The following CSMD1 variants were observed in gnomAD, a reference collection of about 807,000 sequenced individuals.
CSMD1 encodes the protein CUB and sushi domain-containing protein 1.
Under a neutral mutation model 417.5 loss-of-function variants are expected in CSMD1, and 213 were observed. The observed-to-expected ratio is 0.51, with a 90% confidence interval of 0.46 to 0.57. The LOEUF (loss-of-function observed/expected upper bound fraction) is 0.57. Among genes scored for constraint, CSMD1 ranks in the 20% least tolerant of loss-of-function variants. The pLI is 0.00. For missense variants in CSMD1, 6,923 were observed against 4,529.7 expected (o/e 1.53, Z -15.17); for synonymous variants, 2,862 against 1,736.8 (o/e 1.65, Z -16.11).
chr8:4,148,771 T>G (rs759991163), intron 3 of CSMD1, among the ~76,000 whole-genome samples: 1 of 152,088 alleles, frequency 6.6e-6, no homozygotes, highest in Non-Finnish European at 1.5e-5. Flanking sequence ...GCCATCACCC[T>G]GAGTTTAGAA....
intron 9 of CSMD1, among the ~76,000 whole-genome samples, chr8:3,577,007 C>A (rs1252778224): frequency 6.6e-6 from 1 of 152,200 alleles, no homozygotes; most frequent in Non-Finnish European, 1.5e-5. Context: ...TGTCGGCCTG[C>A]ATTTCAAGCT....
intron 3 of CSMD1, among the ~76,000 whole-genome samples, chr8:4,074,681 A>G (rs1799730017): frequency 6.6e-6 from 1 of 152,114 alleles, no homozygotes; most frequent in African/African-American, 2.4e-5. Flanking sequence ...GGTACGTTAA[A>G]ATTTTGTATA....
In CSMD1 at chr8:3,187,857, A is replaced by G. The variant is rs1796156476; in HGVS notation, c.5620+12T>C. ...TTGAGTCACACAGGTGAGGAAATTG[A>G]CTCCATCTTACCTGAGAAGCTTCCC... is the stretch of plus-strand genomic sequence containing the variant. On this transcript the variant is annotated intron_variant, in intron 36 of 69. Transcript: ENST00000635120. 1 of 1,603,754 alleles carries G rather than the reference A, an allele frequency of 6.2e-7. No homozygotes were observed. Among genetic ancestry groups the G allele is most frequent in the East Asian group, 2.2e-5 (1 of 44,758 alleles).
intron 1 of CSMD1, among the ~76,000 whole-genome samples, chr8:4,841,930 A>ACAAAAAAAAAAAAACAAAAC (rs1554499185): frequency 8.2e-6 from 1 of 122,426 alleles, no homozygotes; most frequent in African/African-American, 3.3e-5. Flanking sequence ...AAAAAAAAAA[A>ACAAAAAAAAAAAAACAAAAC]AAAAAAAAGT....
intron 2 of CSMD1, among the ~76,000 whole-genome samples, chr8:4,426,738 T>C (rs1029007495): frequency 6.8e-6 from 1 of 147,776 alleles, no homozygotes; most frequent in African/African-American, 2.5e-5. Flanking sequence ...ACATTTATTA[T>C]ACAATATAGT....
chr8:4,571,098 T>C (rs1415028432), intron 2 of CSMD1, among the ~76,000 whole-genome samples: 3 of 152,192 alleles, frequency 2.0e-5, no homozygotes, highest in Non-Finnish European at 4.4e-5. Context: ...TATCAGCTCC[T>C]GGATTCACTG....
At chr8:3,819,255 A>T (rs1801575335) in intron 5 of CSMD1, among the ~76,000 whole-genome samples, 1 of 152,130 alleles carries the variant, frequency 6.6e-6, no homozygotes, top group Non-Finnish European at 1.5e-5. Flanking sequence ...CCTCTGCTTC[A>T]TACCTTTCAG....
chr8:3,992,546 G>C (rs185171599), intron 5 of CSMD1, among the ~76,000 whole-genome samples: 1 of 152,310 alleles, frequency 6.6e-6, no homozygotes, highest in Non-Finnish European at 1.5e-5. Context: ...CACTTTGGGA[G>C]GCTGAGCCAG....
At chr8:3,556,515 C>A (rs796066143) in intron 10 of CSMD1, among the ~76,000 whole-genome samples, 1 of 79,674 alleles carries the variant, frequency 1.3e-5, no homozygotes, top group Non-Finnish European at 2.3e-5. Flanking sequence ...CTTTTTCACA[C>A]GCACACACAC....
At chr8:4,757,636 T>G (rs1240570259) in intron 1 of CSMD1, among the ~76,000 whole-genome samples, 1 of 152,152 alleles carries the variant, frequency 6.6e-6, no homozygotes, top group African/African-American at 2.4e-5. Flanking sequence ...CTTCAGCTTT[T>G]ATGAATAACA....
At chr8:3,667,418 G>A (rs114273327) in intron 7 of CSMD1, among the ~76,000 whole-genome samples, 2,306 of 150,774 alleles carry the variant, frequency 0.015, 51 homozygotes, top group African/African-American at 0.053. Flanking sequence ...GAGATCTTGG[G>A]GAAGAGATTT....
rs551507755 is a variant in CSMD1, at chr8:4,621,925, AAAAAT to A, written c.302+15412_302+15416del. Among the ~76,000 whole-genome samples the A allele has an allele frequency of 5.3e-5, 8 of 152,210 alleles. No individual in the cohort carries two copies. The South Asian group carries it at 1.7e-3, about 32-fold the overall frequency. ...TGAACATATAAACAGAAAAAAAGGC[AAAAAT>A]ACTACCATTTTAATTGATGCCAAAA... On this transcript the variant is annotated intron_variant, in intron 2 of 69. Coordinates refer to ENST00000635120, the MANE Select transcript of CSMD1 (RefSeq NM_033225.6).
chr8:3,764,097 A>C (rs1001254603), intron 5 of CSMD1, among the ~76,000 whole-genome samples: 3 of 152,076 alleles, frequency 2.0e-5, no homozygotes, highest in Non-Finnish European at 4.4e-5. Context: ...GTTGCACTCA[A>C]AAAGACATGA....
At chr8:4,260,997 T>C (rs996224418) in intron 3 of CSMD1, among the ~76,000 whole-genome samples, 2 of 152,210 alleles carry the variant, frequency 1.3e-5, no homozygotes, top group South Asian at 2.1e-4. Flanking sequence ...AACGTATCAT[T>C]CAATTAAAAT....
At chr8:3,700,574 T>C (rs1397740719) in intron 7 of CSMD1, 1 of 152,024 alleles carries the variant, frequency 6.6e-6, no homozygotes, top group South Asian at 2.1e-4. Context: ...ATGGGAGAAG[T>C]TGTGGATGCT....
At chr8:3,740,278 C>G (rs7831409) in intron 6 of CSMD1, among the ~76,000 whole-genome samples, 142,377 of 152,186 alleles carry the variant, frequency 0.94, 67,285 homozygotes, top group Non-Finnish European at 1. Context: ...GCGAATTTTT[C>G]TATTTTTAGT....
chr8:4,488,566 A>AAATTTATCTCCAGATTTGCTG (rs1264423448), intron 2 of CSMD1, among the ~76,000 whole-genome samples: 56 of 152,198 alleles, frequency 3.7e-4, no homozygotes, highest in African/African-American at 1.1e-3. Context: ...AGAGCCCCAA[A>AAATTTATCTCCAGATTTGCTG]AATTTATCTC....
chr8:3,374,518 G>C (rs749831723), intron 18 of CSMD1, among the ~76,000 whole-genome samples: 1 of 152,272 alleles, frequency 6.6e-6, no homozygotes, highest in South Asian at 2.1e-4. Context: ...AGAATATTAA[G>C]TTGCTCTCTA....
intron 2 of CSMD1, among the ~76,000 whole-genome samples, chr8:4,517,340 T>C (rs1192247887): frequency 6.6e-6 from 1 of 152,212 alleles, no homozygotes; most frequent in African/African-American, 2.4e-5. Flanking sequence ...ATTGCACCAG[T>C]TGCTAATTTG....
Sources: allele counts gnomAD v4.1 joint callset (sites outside exome capture counted in the v4.1 genomes callset), GRCh38; gene constraint gnomAD v4.1.1; transcripts MANE v1.5; gene names NCBI Gene and HGNC (gene_info 2026-07-23, HGNC 2026-07-21).